Variants in DNAJC1 observed in about 807,000 individuals in gnomAD.
DNAJC1 encodes the protein DnaJ heat shock protein family (Hsp40) member C1.
In DNAJC1, 58 loss-of-function variants were observed where a neutral mutation model predicts 76.6. The ratio of observed to expected loss-of-function variants is 0.76; its 90% CI spans 0.61 to 0.94. The LOEUF (loss-of-function observed/expected upper bound fraction) is 0.94, where lower values mean the gene tolerates loss of function less well. Among genes scored for constraint, DNAJC1 ranks in the 40% least tolerant of loss-of-function variants. The probability of loss-of-function intolerance (pLI) is 0.00; values close to 1 mark genes in which losing one functional copy is unlikely to be tolerated. For synonymous variants in DNAJC1, 258 were observed against 267.9 expected (o/e 0.96, Z 0.36); for missense variants, 689 against 677.3 (o/e 1.02, Z -0.19).
intron 3 of DNAJC1, among the ~76,000 whole-genome samples, chr10:21,923,728 T>C (rs1837075140): frequency 6.6e-6 from 1 of 151,866 alleles, no homozygotes; most frequent in Non-Finnish European, 1.5e-5. Context: ...TCTTAAAATA[T>C]ACATCAAGAA....
chr10:21,833,477 T>A (rs983913424), intron 8 of DNAJC1, among the ~76,000 whole-genome samples: 1 of 151,962 alleles, frequency 6.6e-6, no homozygotes, highest in Non-Finnish European at 1.5e-5. Flanking sequence ...ACACAAAAAA[T>A]AAAATAAAAA....
chr10:21,983,192 G>C (rs1260239762), intron 1 of DNAJC1, among the ~76,000 whole-genome samples: 1 of 152,136 alleles, frequency 6.6e-6, no homozygotes, highest in Non-Finnish European at 1.5e-5. Flanking sequence ...ATTCACAATA[G>C]CCAAAGCTGA....
chr10:21,972,892 A>G (rs377347834), intron 1 of DNAJC1, among the ~76,000 whole-genome samples: 1 of 152,148 alleles, frequency 6.6e-6, no homozygotes, highest in Non-Finnish European at 1.5e-5. Context: ...AATATTTTCC[A>G]ATAAAATGTC....
intron 1 of DNAJC1, among the ~76,000 whole-genome samples, chr10:21,983,092 T>A (rs761020560): frequency 6.6e-6 from 1 of 152,158 alleles, no homozygotes; most frequent in Non-Finnish European, 1.5e-5. Flanking sequence ...TACTATATGA[T>A]CCAGCAATTC....
chr10:21,949,535 G>T (rs1418622613), intron 1 of DNAJC1, among the ~76,000 whole-genome samples: 4 of 149,770 alleles, frequency 2.7e-5, no homozygotes, highest in African/African-American at 4.9e-5. Flanking sequence ...TTGTGTTTCA[G>T]CCTCCCAAGT....
intron 9 of DNAJC1, among the ~76,000 whole-genome samples, chr10:21,804,211 C>A (rs185787399): frequency 1.9e-4 from 29 of 152,080 alleles, no homozygotes; most frequent in Non-Finnish European, 5.9e-5. Flanking sequence ...TAAAATATTG[C>A]TTTACTCAGT....
At chr10:21,988,761 G>A (rs1838285949) in intron 1 of DNAJC1, among the ~76,000 whole-genome samples, 1 of 152,090 alleles carries the variant, frequency 6.6e-6, no homozygotes, top group Non-Finnish European at 1.5e-5. Flanking sequence ...AGAGGTTTGT[G>A]AGTGAAATAT....
intron 1 of DNAJC1, among the ~76,000 whole-genome samples, chr10:21,981,265 C>T (rs564399890): frequency 2.0e-5 from 3 of 152,178 alleles, no homozygotes; most frequent in East Asian, 1.9e-4. Context: ...TCATAGTTTA[C>T]GATGGTATGG....
intron 8 of DNAJC1, among the ~76,000 whole-genome samples, chr10:21,863,004 T>C (rs761025543): frequency 3.9e-5 from 6 of 151,954 alleles, no homozygotes; most frequent in Non-Finnish European, 8.8e-5. Context: ...TGGTGGCGCA[T>C]GCCTGTAATC....
In DNAJC1 at chr10:21,920,808, T is replaced by C; in HGVS notation, c.527A>G (p.Glu176Gly). 1.2e-6 allele frequency: 2 copies of C among 1,609,130 alleles called. No individual in the cohort carries two copies. Among genetic ancestry groups the C allele is most frequent in the Non-Finnish European group, 1.7e-6 (2 of 1,176,940 alleles). ...HYAVVWSIYL[E>G]KQLDELLSRK... ...ATTACTAACACTTACCAGTTGTTTT[T>C]CCAGGTAGATTGACCAAACCACAGC... is the stretch of plus-strand genomic sequence containing the variant. The change falls in exon 4 of 12, where the codon GAA becomes GGA. Residue 176 changes from glutamate (E) to glycine (G), a missense_variant. Transcript: ENST00000376980.
chr10:21,786,748 G>T (rs951094491), intron 9 of DNAJC1, among the ~76,000 whole-genome samples: 6 of 152,042 alleles, frequency 3.9e-5, no homozygotes, highest in Non-Finnish European at 8.8e-5. Context: ...TGGGATTATA[G>T]GCATGAGCCA....
intron 1 of DNAJC1, among the ~76,000 whole-genome samples, chr10:21,950,121 CT>C (rs1484888073): frequency 6.6e-6 from 1 of 151,914 alleles, no homozygotes; most frequent in African/African-American, 2.4e-5. Flanking sequence ...CTTTATTGTG[CT>C]TTACTACATG....
intron 8 of DNAJC1, among the ~76,000 whole-genome samples, chr10:21,824,627 G>C (rs1195767165): frequency 6.6e-6 from 1 of 152,148 alleles, no homozygotes; most frequent in African/African-American, 2.4e-5. Flanking sequence ...GTTTTCTACA[G>C]CCTGGGCAAA....
rs1834250991 is a variant in DNAJC1, at chr10:21,762,319, C to T, written c.1148-2701G>A. Reference sequence around the variant, plus strand: ...AAAAACATCATTAAGTGACATGAAACATTCTAATGAAAATATTAATATTAA... The same window carrying T: ...AAAAACATCATTAAGTGACATGAAATATTCTAATGAAAATATTAATATTAA... On this transcript the variant is annotated intron_variant, in intron 10 of 11. Coordinates refer to ENST00000376980, the MANE Select transcript of DNAJC1 (RefSeq NM_022365.4). Among the ~76,000 whole-genome samples, 3 of 152,158 alleles carry T rather than the reference C, an allele frequency of 2.0e-5. No individual in the cohort carries two copies. In the South Asian group the frequency reaches 6.2e-4, roughly 32 times the overall value.
chr10:21,914,641 G>C (rs1266031261), intron 6 of DNAJC1, among the ~76,000 whole-genome samples: 3 of 152,014 alleles, frequency 2.0e-5, no homozygotes, highest in African/African-American at 4.8e-5. Context: ...TACAGACCTG[G>C]AATACAGTCT....
At chr10:21,935,749 G>A (rs1016278192) in intron 1 of DNAJC1, among the ~76,000 whole-genome samples, 1 of 151,844 alleles carries the variant, frequency 6.6e-6, no homozygotes, top group African/African-American at 2.4e-5. Context: ...CATGTATAAG[G>A]GATCTCCAAT....
At chr10:21,860,241 A>T (rs1835899407) in intron 8 of DNAJC1, among the ~76,000 whole-genome samples, 1 of 152,020 alleles carries the variant, frequency 6.6e-6, no homozygotes, top group Admixed American at 6.6e-5. Context: ...TAAGAGGAAA[A>T]CTTCATGTTT....
At chr10:21,758,693 G>A (rs74120986) in intron 11 of DNAJC1, among the ~76,000 whole-genome samples, 3 of 152,210 alleles carry the variant, frequency 2.0e-5, no homozygotes, top group East Asian at 1.9e-4. Context: ...AGATGATCAC[G>A]GTAATACCAT....
chr10:21,925,356 A>G (rs1837110780), intron 3 of DNAJC1, among the ~76,000 whole-genome samples: 1 of 152,304 alleles, frequency 6.6e-6, no homozygotes, highest in South Asian at 2.1e-4. Context: ...GCCATTATGC[A>G]GTACATGACT....
Sources: allele counts gnomAD v4.1 joint callset (sites outside exome capture counted in the v4.1 genomes callset), GRCh38; gene constraint gnomAD v4.1.1; transcripts MANE v1.5; gene names NCBI Gene and HGNC (gene_info 2026-07-23, HGNC 2026-07-21).